CCDC171: variants seen among roughly 807,000 people sequenced by gnomAD.
The protein encoded by CCDC171 is coiled-coil domain containing 171.
A neutral mutation model predicts 168.2 loss-of-function variants in CCDC171; 177 were observed. The ratio of observed to expected loss-of-function variants is 1.05; its 90% confidence interval spans 0.93 to 1.19. The LOEUF (loss-of-function observed/expected upper bound fraction) is 1.19, where lower values mean the gene tolerates loss of function less well. Among genes scored for constraint, CCDC171 ranks in the 50% most tolerant of loss-of-function variants. The pLI, the probability that CCDC171 is intolerant of heterozygous loss-of-function variation, is 0.00. For synonymous variants in CCDC171, 687 were observed against 540.8 expected (o/e 1.27, Z -3.75); for missense variants, 1,991 against 1,539.0 (o/e 1.29, Z -4.91).
intron 24 of CCDC171, among the ~76,000 whole-genome samples, chr9:15,891,800 C>A (rs375828295): frequency 6.6e-6 from 1 of 152,062 alleles, no homozygotes; most frequent in Non-Finnish European, 1.5e-5. Context: ...AGAGAATGAA[C>A]GAGCATGCAG....
intron 18 of CCDC171, among the ~76,000 whole-genome samples, chr9:15,751,702 T>C (rs982521432): frequency 2.0e-5 from 3 of 152,070 alleles, no homozygotes; most frequent in Non-Finnish European, 4.4e-5. Context: ...AACTGGCTAG[T>C]CATATGTAGA....
intron 11 of CCDC171, among the ~76,000 whole-genome samples, chr9:15,713,280 A>G (rs796601133): frequency 6.7e-6 from 1 of 150,086 alleles, no homozygotes; most frequent in Non-Finnish European, 1.5e-5. Context: ...GAATCATGTC[A>G]CCATAACATA....
rs2056126191 is a variant in CCDC171 at position 15,756,519 on chromosome 9, C to T, written c.2671+10888C>T. Among the ~76,000 whole-genome samples the T allele has an allele frequency of 1.3e-5, 2 of 152,122 alleles. 1 individual carries two copies. Among genetic ancestry groups the T allele is most frequent in the South Asian group, 4.1e-4 (2 of 4,824 alleles). On this transcript the variant is annotated intron_variant, in intron 18 of 25. Transcript: ENST00000380701. ...GCATAGTACCCAGTAGGCAGTTTTT[C>T]AGCCCTTACCCACCTCTTTCACTCC... is the stretch of plus-strand genomic sequence containing the variant.
At chr9:15,903,658 C>A (rs537512686) in intron 24 of CCDC171, among the ~76,000 whole-genome samples, 120 of 152,242 alleles carry the variant, frequency 7.9e-4, no homozygotes, top group African/African-American at 2.7e-3. Context: ...TCACCAGCAA[C>A]GGAAGAAAGC....
chr9:16,052,444 G>T (rs191676088), intron 1 of CCDC171, among the ~76,000 whole-genome samples: 90 of 152,284 alleles, frequency 5.9e-4, no homozygotes, highest in African/African-American at 2.1e-3. Context: ...GGTTACACAT[G>T]TGCGGCCTCC....
intron 14 of CCDC171, among the ~76,000 whole-genome samples, chr9:15,726,020 C>T (rs1385360529): frequency 6.6e-6 from 1 of 152,134 alleles, no homozygotes; most frequent in African/African-American, 2.4e-5. Flanking sequence ...TAGAGCTAGT[C>T]TAGCTAGTGG....
chr9:15,580,626 A>G (rs2041034824), intron 4 of CCDC171, among the ~76,000 whole-genome samples: 1 of 152,122 alleles, frequency 6.6e-6, no homozygotes, highest in Non-Finnish European at 1.5e-5. Flanking sequence ...AACATATGAA[A>G]AAATGTTCAA....
intron 18 of CCDC171, among the ~76,000 whole-genome samples, chr9:15,771,272 T>C (rs1033717681): frequency 2.0e-5 from 3 of 152,212 alleles, no homozygotes; most frequent in Non-Finnish European, 2.9e-5. Flanking sequence ...ATTTAGAAAG[T>C]ACTATCAGTA....
intron 3 of CCDC171, among the ~76,000 whole-genome samples, chr9:15,994,165 A>G (rs1589306661): frequency 6.6e-6 from 1 of 152,324 alleles, no homozygotes; most frequent in African/African-American, 2.4e-5. Context: ...TAATCGCAAT[A>G]GCAAAGACTT....
chr9:15,908,406 G>GA (rs1376951895), intron 24 of CCDC171, among the ~76,000 whole-genome samples: 2 of 146,764 alleles, frequency 1.4e-5, no homozygotes, highest in African/African-American at 2.5e-5. Context: ...ATCACAAGGA[G>GA]AAAAAACAAA....
At chr9:16,017,534 G>A (rs746391208) in intron 3 of CCDC171, among the ~76,000 whole-genome samples, 44 of 151,826 alleles carry the variant, frequency 2.9e-4, no homozygotes, top group East Asian at 1.5e-3. Flanking sequence ...GGATTTTTAC[G>A]TTAAAGAAAA....
intron 12 of CCDC171, among the ~76,000 whole-genome samples, chr9:15,722,740 A>G (rs2053564172): frequency 6.6e-6 from 1 of 152,224 alleles, no homozygotes. Context: ...TAGCTTGCTA[A>G]GATGAACAAA....
chr9:15,659,620 T>C (rs759360242), intron 8 of CCDC171, among the ~76,000 whole-genome samples: 1 of 152,184 alleles, frequency 6.6e-6, no homozygotes, highest in African/African-American at 2.4e-5. Context: ...TAATAGACTG[T>C]ATGAAAATAA....
intron 1 of CCDC171, among the ~76,000 whole-genome samples, chr9:16,043,076 G>T (rs1833599119): frequency 6.6e-6 from 1 of 152,192 alleles, no homozygotes; most frequent in South Asian, 2.1e-4. Context: ...CCAGGAAAGT[G>T]TGATGAGCCC....
chr9:16,060,742 T>A (rs1833921499), exon 2 of CCDC171: 1 of 152,244 alleles, frequency 6.6e-6, no homozygotes, highest in Non-Finnish European at 1.5e-5. Context: ...CGGTAGGAGT[T>A]AGAAAAAAAC....
At chr9:15,687,132 A>C (rs2050451720) in intron 10 of CCDC171, among the ~76,000 whole-genome samples, 1 of 152,242 alleles carries the variant, frequency 6.6e-6, no homozygotes, top group Non-Finnish European at 1.5e-5. Flanking sequence ...CAAATATGTG[A>C]AAATTAGATA....
At chr9:15,949,974 C>T (rs989604540) in intron 25 of CCDC171, among the ~76,000 whole-genome samples, 6 of 151,992 alleles carry the variant, frequency 3.9e-5, no homozygotes, top group African/African-American at 7.2e-5. Context: ...TTTTGAGATA[C>T]GTCCCATCAA....
chr9:15,698,614 G>C (rs1220433273), intron 11 of CCDC171, among the ~76,000 whole-genome samples: 1 of 151,388 alleles, frequency 6.6e-6, no homozygotes, highest in Non-Finnish European at 1.5e-5. Context: ...TATTTACGTT[G>C]CTACAAATGA....
chr9:15,617,880 C>T (rs1296752115), intron 6 of CCDC171, among the ~76,000 whole-genome samples: 1 of 152,300 alleles, frequency 6.6e-6, no homozygotes, highest in East Asian at 1.9e-4. Context: ...CCTCCGGAAG[C>T]TTTGTCCCAG....
Sources: allele counts gnomAD v4.1 joint callset (sites outside exome capture counted in the v4.1 genomes callset), GRCh38; gene constraint gnomAD v4.1.1; transcripts MANE v1.5; gene names NCBI Gene and HGNC (gene_info 2026-07-23, HGNC 2026-07-21).